Variants in BEST3 observed in about 807,000 individuals in gnomAD.
BEST3 encodes bestrophin-3.
In BEST3, 50 loss-of-function variants were observed where a neutral mutation model predicts 47.1. The observed-to-expected ratio is 1.06, with a 90% CI of 0.85 to 1.34. The LOEUF (loss-of-function observed/expected upper bound fraction) is 1.34. Ranked by LOEUF, BEST3 falls within the 40% of genes most tolerant of loss-of-function variation. BEST3 has a pLI of 0.00. For synonymous variants in BEST3, 282 were observed against 298.8 expected (o/e 0.94, Z 0.58); for missense variants, 765 against 817.0 (o/e 0.94, Z 0.78).
At chr12:69,670,530 G>A (rs1884501231) in intron 9 of BEST3, 2 of 702,758 alleles carry the variant, frequency 2.8e-6, no homozygotes, top group East Asian at 2.7e-5. Context: ...CATCACTGAT[G>A]GGGATTAGGA....
At chr12:69,672,767 T>C (rs185096536) in intron 8 of BEST3, 118 bp downstream of exon 8, 19 of 708,842 alleles carry the variant, frequency 2.7e-5, no homozygotes, top group Middle Eastern at 3.7e-4. Context: ...GCCAAGCCTC[T>C]TTCATTTGTG....
At chr12:69,699,086 T>G (rs1886231190) in intron 1 of BEST3, 119 bp downstream of exon 1, 1 of 540,406 alleles carries the variant, frequency 1.9e-6, no homozygotes, top group Non-Finnish European at 2.4e-6. Context: ...CAGTCCTTAA[T>G]TAACTTTCCT....
At position 69,655,468 on chromosome 12, in the gene BEST3, CTGT is replaced by C; in HGVS notation, c.1443_1445del (p.Gln482del). The C allele has an allele frequency of 6.2e-7, 1 of 1,614,102 alleles. No individual in the cohort carries two copies. The highest frequency in any genetic ancestry group is 8.5e-7 in the Non-Finnish European group (1 of 1,180,008). ...TCACACTGGACTGTGGGGTCAGGCTCTGTAAAGTGCTTGTCTGGCTGGTCTCCC... is the reference window on the plus strand; with the variant it reads ...TCACACTGGACTGTGGGGTCAGGCTCAAAGTGCTTGTCTGGCTGGTCTCCC... On this transcript the variant is annotated inframe_deletion, in exon 10 of 10. Coordinates refer to ENST00000330891, the MANE Select transcript of BEST3 (RefSeq NM_032735.3).
Position 69,677,034 on chromosome 12 carries a change from G to C in BEST3, c.749C>G (p.Ala250Gly). 6.2e-7 allele frequency: 1 copy of C among 1,614,188 alleles called. No individual in the cohort carries two copies. Among genetic ancestry groups the C allele is most frequent in the Non-Finnish European group, 8.5e-7 (1 of 1,180,022 alleles). ...CAAAAACTGGCGTCCAATCAGGCAC[G>C]CAAAGAAGAAGGTATAGACAGCAAG... ...VTLAVYTFFF[A>G]CLIGRQFLDP... The change falls in exon 7 of 10, where the codon GCG becomes GGG. Residue 250 changes from alanine to glycine, a missense_variant. Transcript: ENST00000330891.
rs759053760 is a variant in BEST3 at position 69,655,381 on chromosome 12, T to C, written c.1533A>G (p.Pro511=). The change falls in exon 10 of 10, where the codon CCA becomes CCG. Residue 511 remains proline, a synonymous_variant. Transcript: ENST00000330891. ...PEVLITAAEA[P]VPTSGGYHHD... Reference sequence around the variant, plus strand: ...GGTGGTAGCCCCCTGATGTGGGCACTGGTGCTTCGGCTGCTGTGATCAATA... The same window carrying C: ...GGTGGTAGCCCCCTGATGTGGGCACCGGTGCTTCGGCTGCTGTGATCAATA... The C allele has an allele frequency of 5.6e-6, 9 of 1,614,048 alleles. No individual in the cohort carries two copies. In the African/African-American group the frequency reaches 9.3e-5, roughly 17 times the overall value.
intron 9 of BEST3, among the ~76,000 whole-genome samples, chr12:69,665,504 A>G (rs1239228054): frequency 6.6e-6 from 1 of 152,118 alleles, no homozygotes; most frequent in African/African-American, 2.4e-5. Flanking sequence ...GAGGCAGGGG[A>G]ATTGCTTGAA....
At chr12:69,673,052 G>C in intron 7 of BEST3, 87 bp from the exon 8 acceptor site, 4 of 1,015,930 alleles carry the variant, frequency 3.9e-6, no homozygotes, top group Non-Finnish European at 4.4e-6. Context: ...TTTCCTCTCT[G>C]CTTCCTTGTG....
intron 5 of BEST3, among the ~76,000 whole-genome samples, chr12:69,677,791 A>T (rs1384392435): frequency 1.3e-5 from 2 of 152,212 alleles, no homozygotes; most frequent in African/African-American, 4.8e-5. Context: ...TTTCCAAAAA[A>T]AAAGGACTTC....
At chr12:69,663,926 G>C (rs527489475) in intron 9 of BEST3, among the ~76,000 whole-genome samples, 3 of 152,302 alleles carry the variant, frequency 2.0e-5, no homozygotes, top group African/African-American at 7.2e-5. Flanking sequence ...AGAGTCAACT[G>C]AAGGGATCCC....
chr12:69,679,253 G>A (rs956482673), intron 4 of BEST3, among the ~76,000 whole-genome samples: 1 of 152,306 alleles, frequency 6.6e-6, no homozygotes, highest in Non-Finnish European at 1.5e-5. Flanking sequence ...GAATTGTTAC[G>A]ATTAAAATAA....
chr12:69,668,862 A>T (rs1884392222), intron 9 of BEST3, among the ~76,000 whole-genome samples: 1 of 152,172 alleles, frequency 6.6e-6, no homozygotes, highest in Non-Finnish European at 1.5e-5. Flanking sequence ...TGGAAAAGAG[A>T]TGTGCTCTTT....
At chr12:69,673,421 G>A (rs1000219217) in intron 7 of BEST3, among the ~76,000 whole-genome samples, 1 of 152,102 alleles carries the variant, frequency 6.6e-6, no homozygotes, top group African/African-American at 2.4e-5. Flanking sequence ...AATAATATAA[G>A]AGGCTTTCAC....
intron 3 of BEST3, 81 bp from the exon 4 acceptor site, chr12:69,693,988 C>A: frequency 8.9e-7 from 1 of 1,117,790 alleles, no homozygotes; most frequent in Non-Finnish European, 1.3e-6. Flanking sequence ...TGAATTTTAG[C>A]CTTTTTAGAG....
At chr12:69,694,027 A>T (rs1490821813) in intron 3 of BEST3, 120 bp from the exon 4 acceptor site, 3 of 749,708 alleles carry the variant, frequency 4.0e-6, no homozygotes, top group Non-Finnish European at 4.2e-6. Context: ...ATTATTATCC[A>T]TATCTTCTGA....
chr12:69,644,632 G>T (rs1272587090), intron 9 of BEST3, among the ~76,000 whole-genome samples: 1 of 152,106 alleles, frequency 6.6e-6, no homozygotes, highest in African/African-American at 2.4e-5. Context: ...TGAAGGGATT[G>T]TTTAGTTCAG....
intron 4 of BEST3, among the ~76,000 whole-genome samples, chr12:69,690,741 G>A (rs1035074845): frequency 1.3e-5 from 2 of 152,106 alleles, no homozygotes; most frequent in African/African-American, 4.8e-5. Context: ...TTGTTTTTAG[G>A]TCTTTCTTAG....
At chr12:69,669,687 C>T (rs972461080) in intron 9 of BEST3, 7 of 152,190 alleles carry the variant, frequency 4.6e-5, no homozygotes, top group Non-Finnish European at 8.8e-5. Flanking sequence ...TGTTTACAAT[C>T]TCATCTAATC....
intron 4 of BEST3, among the ~76,000 whole-genome samples, chr12:69,685,418 T>C (rs1159830155): frequency 6.6e-6 from 1 of 152,222 alleles, no homozygotes; most frequent in Non-Finnish European, 1.5e-5. Flanking sequence ...TCGGAGGAAT[T>C]AATTGATGTG....
intron 9 of BEST3, among the ~76,000 whole-genome samples, chr12:69,667,827 A>G (rs1050310914): frequency 5.9e-5 from 9 of 152,128 alleles, no homozygotes; most frequent in Admixed American, 5.9e-4. Flanking sequence ...CTGGCATAGA[A>G]CCTACCTCAT....
Sources: allele counts gnomAD v4.1 joint callset (sites outside exome capture counted in the v4.1 genomes callset), GRCh38; gene constraint gnomAD v4.1.1; transcripts MANE v1.5; gene names NCBI Gene and HGNC (gene_info 2026-07-23, HGNC 2026-07-21).